The following TBC1D23 variants were observed in gnomAD, a reference collection of about 807,000 sequenced individuals.
TBC1D23 encodes the protein TBC1 domain family member 23, also known as HCV non-structural protein 4A-transactivated protein 1.
A neutral mutation model predicts 91.4 loss-of-function variants in TBC1D23; 55 were observed. The ratio of observed to expected loss-of-function variants is 0.60; its 90% CI spans 0.48 to 0.75. The LOEUF is 0.75. TBC1D23 is among the 30% of genes least tolerant of loss of function. The probability of loss-of-function intolerance (pLI) is 0.00; values close to 1 mark genes in which losing one functional copy is unlikely to be tolerated. For missense variants in TBC1D23, 725 were observed against 836.1 expected, an observed-to-expected ratio of 0.87 and a Z score of 1.64; for synonymous variants, 289 against 281.0, an observed-to-expected ratio of 1.03 and a Z score of -0.28.
intron 5 of TBC1D23, among the ~76,000 whole-genome samples, chr3:100,293,113 G>T (rs1199976509): frequency 2.0e-5 from 3 of 148,856 alleles, no homozygotes; most frequent in Non-Finnish European, 3.0e-5. Flanking sequence ...TAGTTTGTTT[G>T]TTTGTTTGTT....
intron 14 of TBC1D23, 55 bp downstream of exon 14, chr3:100,310,597 A>G (rs900024487): frequency 2.1e-6 from 3 of 1,395,612 alleles, no homozygotes; most frequent in African/African-American, 2.9e-5. Context: ...TAAAGAAACA[A>G]TGTCTTAGAG....
intron 11 of TBC1D23, among the ~76,000 whole-genome samples, chr3:100,303,852 A>T (rs1409044992): frequency 6.6e-6 from 1 of 152,304 alleles, no homozygotes; most frequent in South Asian, 2.1e-4. Context: ...AGTTTGGAAT[A>T]TTGTGAACTT....
chr3:100,319,825 A>G (rs1302911001), intron 17 of TBC1D23, among the ~76,000 whole-genome samples: 1 of 152,098 alleles, frequency 6.6e-6, no homozygotes, highest in Non-Finnish European at 1.5e-5. Context: ...ATTTTTGTCA[A>G]ACCTTTCAAA....
chr3:100,282,199 C>T (rs141221685), intron 3 of TBC1D23, among the ~76,000 whole-genome samples: 87 of 152,180 alleles, frequency 5.7e-4, no homozygotes, highest in African/African-American at 1.8e-3. Flanking sequence ...GTAGTCCCAG[C>T]TACTTGGGAG....
intron 1 of TBC1D23, among the ~76,000 whole-genome samples, chr3:100,272,036 C>G (rs1410026263): frequency 6.6e-6 from 1 of 152,152 alleles, no homozygotes. Flanking sequence ...TTGTCTCCAT[C>G]CACAGGGAGT....
At chr3:100,289,183 C>G (rs1228212792) in intron 4 of TBC1D23, among the ~76,000 whole-genome samples, 1 of 151,996 alleles carries the variant, frequency 6.6e-6, no homozygotes, top group Non-Finnish European at 1.5e-5. Context: ...CCATTGCACT[C>G]CAACCTGAGT....
chr3:100,320,843 T>C lies in TBC1D23; in HGVS notation c.1890T>C (p.Ala630=). The change falls in exon 18 of 19, where the codon GCT becomes GCC. Residue 630 remains alanine (A), a synonymous_variant. Coordinates refer to ENST00000394144, the MANE Select transcript of TBC1D23 (RefSeq NM_001199198.3). ...LREIVSRKGL[A]YIQSRQALNS... ...AGATTGTTTCACGGAAAGGATTGGC[T>C]TATATACAGTCTCGACAAGCGCTGA... The C allele has an allele frequency of 6.2e-7, 1 of 1,613,324 alleles. No individual in the cohort carries two copies.
intron 1 of TBC1D23, among the ~76,000 whole-genome samples, chr3:100,265,680 C>T (rs1326507026): frequency 6.6e-6 from 1 of 152,142 alleles, no homozygotes; most frequent in Non-Finnish European, 1.5e-5. Context: ...AATTATATAA[C>T]TGTTGAAATT....
intron 2 of TBC1D23, among the ~76,000 whole-genome samples, chr3:100,280,144 C>G (rs949719521): frequency 6.6e-6 from 1 of 151,816 alleles, no homozygotes; most frequent in South Asian, 2.1e-4. Context: ...GCAAGAGAAT[C>G]GCTTGAACCC....
intron 1 of TBC1D23, among the ~76,000 whole-genome samples, chr3:100,276,644 G>A (rs989848397): frequency 6.6e-5 from 10 of 152,080 alleles, no homozygotes; most frequent in South Asian, 2.1e-4. Flanking sequence ...TGTTTGCCTC[G>A]CTGTAATTCT....
intron 5 of TBC1D23, among the ~76,000 whole-genome samples, chr3:100,291,036 A>T (rs2067785554): frequency 6.6e-6 from 1 of 152,234 alleles, no homozygotes; most frequent in South Asian, 2.1e-4. Flanking sequence ...TACATATATC[A>T]GTTCAATTGA....
chr3:100,288,357 C>T (rs2148857621), intron 4 of TBC1D23, among the ~76,000 whole-genome samples: 1 of 152,144 alleles, frequency 6.6e-6, no homozygotes, highest in Admixed American at 6.5e-5. Flanking sequence ...GATGGGACCC[C>T]TACAAAAATA....
chr3:100,298,656 A>G (rs1013766153), intron 9 of TBC1D23, among the ~76,000 whole-genome samples: 2 of 152,194 alleles, frequency 1.3e-5, no homozygotes, highest in African/African-American at 4.8e-5. Flanking sequence ...TTCTTACTGT[A>G]TCTGCGCTGG....
chr3:100,306,119 G>A (rs990509717), intron 12 of TBC1D23, among the ~76,000 whole-genome samples: 5 of 152,152 alleles, frequency 3.3e-5, no homozygotes, highest in African/African-American at 1.2e-4. Flanking sequence ...TCATAAAAAT[G>A]TTGCAGAAAT....
intron 3 of TBC1D23, 40 bp from the exon 4 acceptor site, chr3:100,283,567 C>A: frequency 7.1e-7 from 1 of 1,417,292 alleles, no homozygotes; most frequent in Non-Finnish European, 9.9e-7. Flanking sequence ...CAGCCCCTGA[C>A]AGGCCCTCAG....
intron 13 of TBC1D23, among the ~76,000 whole-genome samples, chr3:100,308,260 G>C (rs1291791679): frequency 1.3e-5 from 2 of 152,180 alleles, no homozygotes; most frequent in African/African-American, 4.8e-5. Flanking sequence ...CAGATCACGA[G>C]GTCAGGAGAT....
At chr3:100,263,079 A>G (rs1479451438) in intron 1 of TBC1D23, among the ~76,000 whole-genome samples, 1 of 152,212 alleles carries the variant, frequency 6.6e-6, no homozygotes, top group Non-Finnish European at 1.5e-5. Context: ...ACCTGGGTGC[A>G]GGCGGGCTGA....
intron 15 of TBC1D23, among the ~76,000 whole-genome samples, chr3:100,313,958 C>G (rs17213898): frequency 0.015 from 2,348 of 152,158 alleles, 31 homozygotes; most frequent in South Asian, 0.022. Flanking sequence ...GTAATTTAAT[C>G]AGACTTTAAG....
At chr3:100,261,337 C>CCA in intron 1 of TBC1D23, 2 of 531,716 alleles carry the variant, frequency 3.8e-6, no homozygotes, top group South Asian at 4.5e-5. Flanking sequence ...CTGTCAGTCT[C>CCA]CAAAGTGTGC....
Sources: gnomAD v4.1 joint callset for allele counts (sites outside exome capture counted in the v4.1 genomes callset) on GRCh38, gnomAD v4.1.1 for gene constraint, MANE v1.5 for transcripts, NCBI Gene and HGNC (gene_info 2026-07-23, HGNC 2026-07-21) for gene names.